Variants in RBMS3 observed in about 807,000 individuals in gnomAD.
RBMS3 encodes the protein RNA-binding motif, single-stranded-interacting protein 3.
RBMS3 carries 27 observed loss-of-function variants against 66.8 expected under a neutral mutation model. The observed-to-expected ratio is 0.40, with a 90% CI of 0.30 to 0.56. The LOEUF is 0.56. Ranked by LOEUF, RBMS3 falls within the 20% of genes least tolerant of loss-of-function variation. RBMS3 has a pLI of 0.40. For missense variants in RBMS3, 513 were observed against 549.5 expected, an observed-to-expected ratio of 0.93 and a Z score of 0.66; for synonymous variants, 188 against 183.0, an observed-to-expected ratio of 1.03 and a Z score of -0.22.
chr3:29,925,691 A>G (rs2060919364), intron 10 of RBMS3, among the ~76,000 whole-genome samples: 1 of 152,196 alleles, frequency 6.6e-6, no homozygotes, highest in Admixed American at 6.5e-5. Context: ...CCAAATGCAG[A>G]GCTAAGCTTT....
intron 4 of RBMS3, among the ~76,000 whole-genome samples, chr3:29,739,374 T>TG: frequency 6.8e-6 from 1 of 147,362 alleles, no homozygotes; most frequent in Non-Finnish European, 1.5e-5. Flanking sequence ...GAGAATGGCG[T>TG]GAACCCGGGA....
intron 1 of RBMS3, among the ~76,000 whole-genome samples, chr3:29,412,407 T>C (rs774693925): frequency 6.6e-6 from 1 of 152,180 alleles, no homozygotes; most frequent in Non-Finnish European, 1.5e-5. Context: ...GTTCCCTTTT[T>C]TGTTCTTACC....
At chr3:29,978,574 G>GT (rs1697754273) in intron 12 of RBMS3, among the ~76,000 whole-genome samples, 1 of 151,404 alleles carries the variant, frequency 6.6e-6, no homozygotes, top group Admixed American at 6.6e-5. Context: ...AAACATAAAA[G>GT]TAAGTTACCA....
intron 14 of RBMS3, among the ~76,000 whole-genome samples, chr3:29,993,685 C>CCTTTGAACTTAAACAAAAATATTGGTT (rs1699029137): frequency 1.3e-5 from 2 of 152,242 alleles, no homozygotes; most frequent in South Asian, 4.1e-4. Flanking sequence ...TCTTTTCCTG[C>CCTTTGAACTTAAACAAAAATATTGGTT]CTTTGAACTT....
intron 6 of RBMS3, among the ~76,000 whole-genome samples, chr3:29,797,981 A>T (rs549476972): frequency 6.6e-6 from 1 of 151,940 alleles, no homozygotes; most frequent in East Asian, 2.0e-4. Context: ...TAATTGGCCT[A>T]ATTTCAATAT....
chr3:29,434,655 A>AT, intron 1 of RBMS3, 88 bp from the exon 2 acceptor site: 3 of 1,522,652 alleles, frequency 2.0e-6, no homozygotes, highest in Non-Finnish European at 2.7e-6. Context: ...GAGAAGACGC[A>AT]TAGCTTACAT....
chr3:29,924,563 C>T (rs2060880262), intron 10 of RBMS3, among the ~76,000 whole-genome samples: 1 of 149,994 alleles, frequency 6.7e-6, no homozygotes, highest in African/African-American at 2.5e-5. Flanking sequence ...CAGTGCCAGG[C>T]ATGGTGGCTC....
chr3:29,472,194 ATTTT>A (rs11326167), intron 2 of RBMS3, among the ~76,000 whole-genome samples: 1 of 139,928 alleles, frequency 7.1e-6, no homozygotes. Flanking sequence ...GCCTCTTCTA[ATTTT>A]TTTTTTTTTT....
Position 30,008,430 on chromosome 3 carries a change from T to A in RBMS3, c.*4568T>A, listed in dbSNP as rs1699864746. On this transcript the variant is annotated 3_prime_UTR_variant, in exon 15 of 15. Transcript: ENST00000383767. ...TGTTTATGTACGTGTATAACAACATTCAGCACATTTGAGGAATCACACACT... is the reference window on the plus strand; with the variant it reads ...TGTTTATGTACGTGTATAACAACATACAGCACATTTGAGGAATCACACACT... 1 of 152,080 alleles carries A rather than the reference T, an allele frequency of 6.6e-6. No homozygotes were observed. The highest frequency in any genetic ancestry group is 2.4e-5 in the African/African-American group (1 of 41,430). The allele number at this position is 152,080 out of a possible 1,614,324, so 9.4% of individuals were successfully genotyped here.
chr3:29,896,083 T>A (rs1481227343), intron 8 of RBMS3, among the ~76,000 whole-genome samples: 1 of 151,438 alleles, frequency 6.6e-6, no homozygotes, highest in African/African-American at 2.4e-5. Flanking sequence ...CAAAAGAGTA[T>A]GATCTTATCA....
chr3:29,779,541 G>T (rs1055120941), intron 6 of RBMS3, among the ~76,000 whole-genome samples: 6 of 150,676 alleles, frequency 4.0e-5, no homozygotes, highest in Non-Finnish European at 8.9e-5. Context: ...TTGTTTCTAG[G>T]GTTGAAAAGT....
intron 1 of RBMS3, among the ~76,000 whole-genome samples, chr3:29,358,739 T>C (rs868323533): frequency 1.1e-4 from 17 of 152,184 alleles, no homozygotes; most frequent in Non-Finnish European, 2.2e-4. Context: ...TGGTTTGTAG[T>C]TCTCCTTGAA....
At chr3:29,507,547 GTGAAGTATGATGGCTTC>G (rs1369958748) in intron 3 of RBMS3, among the ~76,000 whole-genome samples, 1 of 152,010 alleles carries the variant, frequency 6.6e-6, no homozygotes, top group Non-Finnish European at 1.5e-5. Context: ...AGGTCAAAAT[GTGAAGTATGATGGCTTC>G]TGACAATGTT....
intron 4 of RBMS3, among the ~76,000 whole-genome samples, chr3:29,669,469 A>T (rs76472663): frequency 0.035 from 5,389 of 152,228 alleles, 310 homozygotes; most frequent in African/African-American, 0.12. Context: ...CTTTAAACCT[A>T]GTGTTCCAGC....
intron 5 of RBMS3, among the ~76,000 whole-genome samples, chr3:29,750,254 A>G (rs945475003): frequency 2.0e-5 from 3 of 152,158 alleles, no homozygotes; most frequent in Admixed American, 6.5e-5. Context: ...TTATTCAAGA[A>G]TTCTTGTTGG....
intron 2 of RBMS3, among the ~76,000 whole-genome samples, chr3:29,440,345 T>A (rs1490428345): frequency 6.6e-6 from 1 of 152,086 alleles, no homozygotes. Flanking sequence ...TGCTATGGAG[T>A]TAATTAAAAT....
intron 3 of RBMS3, among the ~76,000 whole-genome samples, chr3:29,535,278 GA>G (rs2045510884): frequency 6.6e-6 from 1 of 152,108 alleles, no homozygotes; most frequent in Non-Finnish European, 1.5e-5. Flanking sequence ...TAAAGATTTT[GA>G]AAATGTCACT....
chr3:29,576,983 T>C, intron 3 of RBMS3, among the ~76,000 whole-genome samples: 1 of 152,186 alleles, frequency 6.6e-6, no homozygotes, highest in African/African-American at 2.4e-5. Context: ...CCACAGTGGC[T>C]GAACTGGTAC....
chr3:29,376,790 C>T (rs2038495038), intron 1 of RBMS3, among the ~76,000 whole-genome samples: 1 of 152,308 alleles, frequency 6.6e-6, no homozygotes, highest in East Asian at 1.9e-4. Flanking sequence ...CCTGTAGTCC[C>T]AGCTACTCAG....
Sources: gnomAD v4.1 joint callset for allele counts (sites outside exome capture counted in the v4.1 genomes callset) on GRCh38, gnomAD v4.1.1 for gene constraint, MANE v1.5 for transcripts, NCBI Gene and HGNC (gene_info 2026-07-23, HGNC 2026-07-21) for gene names.